The following TFDP2 variants were observed in gnomAD, a reference collection of about 807,000 sequenced individuals.
The protein encoded by TFDP2 is transcription factor Dp-2, also known as transcription factor Dp-2 (E2F dimerization partner 2).
In TFDP2, 17 loss-of-function variants were observed where a neutral mutation model predicts 59.3. The observed-to-expected ratio is 0.29, with a 90% CI of 0.20 to 0.43. TFDP2 has a LOEUF of 0.43. Ranked by LOEUF, TFDP2 falls within the 20% of genes least tolerant of loss-of-function variation. The probability of loss-of-function intolerance (pLI) is 1.00; values close to 1 mark genes in which losing one functional copy is unlikely to be tolerated. For synonymous variants in TFDP2, 180 were observed against 194.7 expected (o/e 0.92, Z 0.63); for missense variants, 391 against 528.8 (o/e 0.74, Z 2.56).
At chr3:142,138,369 C>T (rs1251853438) in intron 1 of TFDP2, among the ~76,000 whole-genome samples, 1 of 152,176 alleles carries the variant, frequency 6.6e-6, no homozygotes, top group East Asian at 1.9e-4. Context: ...TCTCTATCTC[C>T]TTCAGTTCTG....
intron 10 of TFDP2, among the ~76,000 whole-genome samples, chr3:141,963,108 G>A (rs369257809): frequency 9.9e-5 from 15 of 151,746 alleles, no homozygotes; most frequent in Admixed American, 2.0e-4. Context: ...ACATGGATCC[G>A]TCTCACTCTG....
intron 3 of TFDP2, among the ~76,000 whole-genome samples, chr3:142,012,462 T>C (rs1271515618): frequency 6.6e-6 from 1 of 152,202 alleles, no homozygotes; most frequent in Non-Finnish European, 1.5e-5. Context: ...TATACTCTAA[T>C]AAACTAGGCA....
intron 3 of TFDP2, among the ~76,000 whole-genome samples, chr3:142,036,096 G>A (rs1174111135): frequency 6.6e-6 from 1 of 152,018 alleles, no homozygotes; most frequent in Non-Finnish European, 1.5e-5. Flanking sequence ...GTCCATTTGT[G>A]CCAAGTAAAC....
At position 142,048,120 on chromosome 3, in the gene TFDP2, G is replaced by T. The variant is rs190559183; in HGVS notation, c.83-42576C>A. ...TATCAAAACCAATTAGCATAAAGAGGTGCTCTGAGATTAGCTGGGTGTGGT... is the reference window on the plus strand; with the variant it reads ...TATCAAAACCAATTAGCATAAAGAGTTGCTCTGAGATTAGCTGGGTGTGGT... On this transcript the variant is annotated intron_variant, in intron 3 of 12. Transcript: ENST00000489671. 1.2e-4 allele frequency among the ~76,000 whole-genome samples: 18 copies of T among 152,178 alleles called. No individual in the cohort carries two copies. In the East Asian group the frequency reaches 2.1e-3, roughly 18 times the overall value.
chr3:141,968,602 A>C lies in TFDP2; in HGVS notation c.732+1471T>G, dbSNP rs867554199. On this transcript the variant is annotated intron_variant, in intron 9 of 12. Coordinates refer to ENST00000489671, the MANE Select transcript of TFDP2 (RefSeq NM_001178139.2). ...ATATATCTCATATATAGATATATAT[A>C]ACATATATATCTCATATATAGATAT... 1.0e-3 allele frequency among the ~76,000 whole-genome samples: 101 copies of C among 97,854 alleles called. 3 individuals are homozygous for C. Among genetic ancestry groups the C allele is most frequent in the Middle Eastern group, 0.014 (1 of 74 alleles). 64.2% of individuals were successfully genotyped at this position (97,854 alleles called of 152,430 possible).
chr3:141,972,567 C>T (rs568863075), intron 8 of TFDP2, among the ~76,000 whole-genome samples: 5 of 152,322 alleles, frequency 3.3e-5, no homozygotes, highest in Admixed American at 2.0e-4. Flanking sequence ...GCCCATGTGG[C>T]ACCTCTGCCT....
At chr3:142,018,069 A>C (rs1034733629) in intron 3 of TFDP2, among the ~76,000 whole-genome samples, 10 of 152,104 alleles carry the variant, frequency 6.6e-5, no homozygotes, top group African/African-American at 2.4e-4. Flanking sequence ...CAGCCTCCTG[A>C]AGAGCTGGGA....
At chr3:142,007,818 C>T (rs919809287) in intron 3 of TFDP2, among the ~76,000 whole-genome samples, 2 of 152,088 alleles carry the variant, frequency 1.3e-5, no homozygotes, top group Non-Finnish European at 2.9e-5. Context: ...AATCTAATGC[C>T]GCTGCTGATC....
intron 3 of TFDP2, among the ~76,000 whole-genome samples, chr3:142,078,783 T>C (rs566842073): frequency 2.0e-5 from 3 of 152,018 alleles, no homozygotes; most frequent in East Asian, 1.9e-4. Flanking sequence ...AGGAAAACAA[T>C]ACCTCAACAA....
Position 141,995,144 on chromosome 3 carries a change from G to A in TFDP2, c.187-3C>T, listed in dbSNP as rs1449610528. 2 of 1,571,622 alleles carry A rather than the reference G, an allele frequency of 1.3e-6. No individual in the cohort carries two copies. The highest frequency in any genetic ancestry group is 1.2e-5 in the South Asian group (1 of 80,688). On this transcript the variant is annotated splice_region_variant and splice_polypyrimidine_tract_variant and intron_variant, in intron 4 of 12. Transcript: ENST00000489671. ...AGTCTCTGTGGTGTGCTTATAATCT[G>A]TAAAGTTAGGAACAAAGAATATAAT... is the stretch of plus-strand genomic sequence containing the variant.
At chr3:142,147,558 A>C (rs1463003258) in intron 1 of TFDP2, among the ~76,000 whole-genome samples, 2 of 152,244 alleles carry the variant, frequency 1.3e-5, no homozygotes, top group Non-Finnish European at 1.5e-5. Flanking sequence ...TGAGAATATG[A>C]AGTATTACAC....
intron 4 of TFDP2, among the ~76,000 whole-genome samples, chr3:142,000,704 A>C (rs564629332): frequency 6.6e-6 from 1 of 152,280 alleles, no homozygotes; most frequent in East Asian, 1.9e-4. Context: ...AGTCTGTGAA[A>C]TCCAACCTGT....
chr3:142,073,023 C>T (rs556628503), intron 3 of TFDP2, among the ~76,000 whole-genome samples: 2 of 152,234 alleles, frequency 1.3e-5, no homozygotes, highest in South Asian at 2.1e-4. Flanking sequence ...CTGACAAAAG[C>T]GACATCGGCC....
At chr3:142,097,739 T>G (rs866779932) in intron 2 of TFDP2, among the ~76,000 whole-genome samples, 5 of 152,048 alleles carry the variant, frequency 3.3e-5, no homozygotes, top group African/African-American at 7.2e-5. Context: ...GATATCAAGA[T>G]AAGAAAATGC....
intron 3 of TFDP2, among the ~76,000 whole-genome samples, chr3:142,022,460 C>T (rs886908469): frequency 2.6e-5 from 4 of 152,250 alleles, no homozygotes; most frequent in African/African-American, 9.6e-5. Flanking sequence ...CTGTTTAGCC[C>T]ATTTTCAATC....
Position 142,121,221 on chromosome 3 carries a change from A to G in TFDP2, c.-92-19380T>C, listed in dbSNP as rs890992786. The stretch of plus-strand genomic sequence containing the variant: ...CTAATGAGAGTCAGGCTATTTATTT[A>G]TTCAACAAACATTTAGTCAATGCCC... On this transcript the variant is annotated intron_variant, in intron 1 of 12. Transcript: ENST00000489671. This position sits in a 1 kb window ranked among gnomAD's most constrained non-coding sequence, Gnocchi z 4.3. Among the ~76,000 whole-genome samples, 1 of 152,190 alleles carries G rather than the reference A, an allele frequency of 6.6e-6. No individual in the cohort carries two copies. Among genetic ancestry groups the G allele is most frequent in the African/African-American group, 2.4e-5 (1 of 41,452 alleles).
chr3:141,973,633 T>C (rs1037218619), intron 8 of TFDP2, among the ~76,000 whole-genome samples: 1 of 151,644 alleles, frequency 6.6e-6, no homozygotes, highest in Non-Finnish European at 1.5e-5. Flanking sequence ...TCCACAGCTA[T>C]ATTCAGAATA....
rs577328935 is a variant in TFDP2, at chr3:142,121,556, C to T, written c.-92-19715G>A. Among the ~76,000 whole-genome samples the T allele has an allele frequency of 1.1e-4, 17 of 152,256 alleles. No homozygotes were observed. Among genetic ancestry groups the T allele is most frequent in the South Asian group, 4.1e-4 (2 of 4,830 alleles). ...TTAACACAGAAACCTAAGCACTTTA[C>T]GGTCAATCCAACTATTGTATTAAAC... On this transcript the variant is annotated intron_variant, in intron 1 of 12. Transcript: ENST00000489671. This position sits in a 1 kb window ranked among gnomAD's most constrained non-coding sequence, Gnocchi z 4.3.
At position 142,111,157 on chromosome 3, in the gene TFDP2, G is replaced by T. The variant is rs373214171; in HGVS notation, c.-92-9316C>A. ...AGATTCATAGAAACAGGCTGGGTGC[G>T]GTGGCTCACGCCTGTAATCCCAGCA... is the stretch of plus-strand genomic sequence containing the variant. On this transcript the variant is annotated intron_variant, in intron 1 of 12. Coordinates refer to ENST00000489671, the MANE Select transcript of TFDP2 (RefSeq NM_001178139.2). Among the ~76,000 whole-genome samples, 54 of 151,662 alleles carry T rather than the reference G, an allele frequency of 3.6e-4. 1 individual carries two copies. In the East Asian group the frequency reaches 3.7e-3, roughly 10 times the overall value.
Sources: gnomAD v4.1 joint callset for allele counts (sites outside exome capture counted in the v4.1 genomes callset) on GRCh38, gnomAD v4.1.1 for gene constraint, Gnocchi (gnomAD v3.1) non-coding constraint, MANE v1.5 for transcripts, NCBI Gene and HGNC (gene_info 2026-07-23, HGNC 2026-07-21) for gene names.